CCR9: variants seen among roughly 807,000 people sequenced by gnomAD.
CCR9 encodes the protein C-C motif chemokine receptor 9.
A neutral mutation model predicts 8.7 loss-of-function variants in CCR9; 4 were observed. That is an observed-to-expected ratio of 0.46 (90% CI 0.23 to 1.06). The LOEUF is 1.06. Among genes scored for constraint, CCR9 ranks in the 50% least tolerant of loss-of-function variants. CCR9 has a pLI of 0.21. For missense variants in CCR9, 394 were observed against 453.6 expected, an observed-to-expected ratio of 0.87 and a Z score of 1.19; for synonymous variants, 159 against 168.8, an observed-to-expected ratio of 0.94 and a Z score of 0.45.
chr3:45,895,211 T>C, intron 2 of CCR9: 1 of 532,950 alleles, frequency 1.9e-6, no homozygotes, highest in South Asian at 2.6e-5. Flanking sequence ...CTAAGGATTT[T>C]TAACCATCTT....
At chr3:45,895,097 C>A in intron 2 of CCR9, 143 bp downstream of exon 2, 2 of 871,686 alleles carry the variant, frequency 2.3e-6, no homozygotes, top group Admixed American at 1.8e-5. Context: ...ATGCGCATTG[C>A]TGGGTAGGTT....
intron 1 of CCR9, among the ~76,000 whole-genome samples, chr3:45,890,407 C>T (rs550329371): frequency 2.5e-5 from 3 of 118,498 alleles, no homozygotes; most frequent in African/African-American, 1.0e-4. Context: ...CAAAAATCAA[C>T]CTCCGTATTC....
chr3:45,893,156 T>G (rs1702243699), intron 1 of CCR9, among the ~76,000 whole-genome samples: 1 of 149,196 alleles, frequency 6.7e-6, no homozygotes, highest in African/African-American at 2.5e-5. Flanking sequence ...TCTCTCTCTC[T>G]CTTTTTTTTT....
At position 45,897,309 on chromosome 3, in the gene CCR9, T is replaced by A. The variant is rs563325440; in HGVS notation, c.21+2355T>A. Reference sequence around the variant, plus strand: ...ATAAATCTAGATTTGGGGTGTAAAATTCAATCACTTAAAAAATATGCCTGG... The same window carrying A: ...ATAAATCTAGATTTGGGGTGTAAAAATCAATCACTTAAAAAATATGCCTGG... On this transcript the variant is annotated intron_variant, in intron 2 of 2. Transcript: ENST00000357632. Among the ~76,000 whole-genome samples, 4 of 152,248 alleles carry A rather than the reference T, an allele frequency of 2.6e-5. No homozygotes were observed. In the East Asian group the frequency reaches 7.7e-4, roughly 29 times the overall value.
Position 45,900,651 on chromosome 3 carries a change from A to G in CCR9, c.22-159A>G, listed in dbSNP as rs1012847804. Among the ~76,000 whole-genome samples the G allele has an allele frequency of 5.3e-5, 8 of 152,176 alleles. No individual in the cohort carries two copies. Among genetic ancestry groups the G allele is most frequent in the African/African-American group, 1.9e-4 (8 of 41,446 alleles). ...ATAAACATCTGTTGAATAAATAAAT[A>G]TGTCACAACCCAAGCAGATGTCCTC... On this transcript the variant is annotated intron_variant, in intron 2 of 2. Transcript: ENST00000357632. This position sits in a 1 kb window ranked among gnomAD's most constrained non-coding sequence, Gnocchi z 4.7.
intron 2 of CCR9, among the ~76,000 whole-genome samples, chr3:45,896,277 G>A (rs1331772995): frequency 6.6e-6 from 1 of 152,156 alleles, no homozygotes; most frequent in African/African-American, 2.4e-5. Flanking sequence ...TTGGGATCTT[G>A]GATAATAGCC....
chr3:45,897,596 G>A lies in CCR9; in HGVS notation c.21+2642G>A, dbSNP rs79663567. 9.8e-4 allele frequency: 1,511 copies of A among 1,535,564 alleles called. 15 individuals are homozygous for A. The African/African-American group carries it at 0.016, about 16-fold the overall frequency. ...GCCCCGCTCCAGATCACCTTCCCTC[G>A]CTGGCCCAGGAATCCATCTCCTTCC... is the stretch of plus-strand genomic sequence containing the variant. On this transcript the variant is annotated intron_variant, in intron 2 of 2. Transcript: ENST00000357632.
At chr3:45,887,123 T>C (rs1245260922) in intron 1 of CCR9, among the ~76,000 whole-genome samples, 1 of 152,162 alleles carries the variant, frequency 6.6e-6, no homozygotes, top group Non-Finnish European at 1.5e-5. Flanking sequence ...ACAGCAGCCA[T>C]CCAATTCTAT....
intron 2 of CCR9, chr3:45,897,681 T>A: frequency 7.3e-7 from 1 of 1,365,366 alleles, no homozygotes; most frequent in Non-Finnish European, 9.9e-7. Context: ...CTGCCCCCTC[T>A]CATTTGTTCC....
intron 2 of CCR9, among the ~76,000 whole-genome samples, chr3:45,898,295 T>C (rs758502252): frequency 2.0e-4 from 31 of 152,196 alleles, no homozygotes; most frequent in Non-Finnish European, 3.4e-4. Flanking sequence ...CTGGTTCCCG[T>C]GTCCAGCGTT....
chr3:45,891,946 A>T (rs562489041), intron 1 of CCR9, among the ~76,000 whole-genome samples: 1 of 152,168 alleles, frequency 6.6e-6, no homozygotes, highest in Non-Finnish European at 1.5e-5. Context: ...TTTAGGACAA[A>T]TGTGACACTG....
rs45530037 is a variant in CCR9, at chr3:45,901,062, A to G, written c.274A>G (p.Ile92Val). 14,316 of 1,614,156 alleles carry G rather than the reference A, an allele frequency of 8.9e-3. 78 individuals are homozygous for G. Among genetic ancestry groups the G allele is most frequent in the Non-Finnish European group, 0.011 (12,686 of 1,180,026 alleles). ...CGACATGTTCCTTTTGAATTTGGCA[A>G]TTGCTGACCTCCTCTTTCTTGTCAC... Reference protein sequence around the residue: ...MTDMFLLNLAIADLLFLVTLP... With the variant: ...MTDMFLLNLAVADLLFLVTLP... The change falls in exon 3 of 3, where the codon ATT becomes GTT. Residue 92 changes from isoleucine (I) to valine (V), a missense_variant. Physicochemically the swap from Ile to Val is conservative, Grantham distance 29. Coordinates refer to ENST00000357632, the MANE Select transcript of CCR9 (RefSeq NM_031200.3). This position sits in a 1 kb window ranked among gnomAD's most constrained non-coding sequence, Gnocchi z 4.3.
chr3:45,897,992 A>AAAC (rs1055244090), intron 2 of CCR9, among the ~76,000 whole-genome samples: 11 of 149,524 alleles, frequency 7.4e-5, no homozygotes, highest in South Asian at 2.1e-4. Flanking sequence ...AAAAAAAAAA[A>AAAC]ACACACAAAA....
intron 1 of CCR9, among the ~76,000 whole-genome samples, chr3:45,892,859 G>T (rs1488313362): frequency 1.3e-5 from 2 of 152,202 alleles, no homozygotes; most frequent in African/African-American, 4.8e-5. Flanking sequence ...CCAGGAGGAA[G>T]TTCTGGTTGC....
chr3:45,892,053 C>T (rs1218563558), intron 1 of CCR9, among the ~76,000 whole-genome samples: 1 of 152,028 alleles, frequency 6.6e-6, no homozygotes, highest in African/African-American at 2.4e-5. Flanking sequence ...TCCAAGGAGC[C>T]CTGGCTGTTT....
chr3:45,887,529 C>T (rs1482769643), intron 1 of CCR9, among the ~76,000 whole-genome samples: 2 of 152,204 alleles, frequency 1.3e-5, no homozygotes, highest in Non-Finnish European at 2.9e-5. Flanking sequence ...TTAGCTGTTA[C>T]TCCATAGACG....
At chr3:45,895,481 C>T (rs895881867) in intron 2 of CCR9, among the ~76,000 whole-genome samples, 9 of 152,216 alleles carry the variant, frequency 5.9e-5, no homozygotes, top group Middle Eastern at 3.2e-3. Flanking sequence ...GAGGCAGAGG[C>T]GGGCGGATCA....
At chr3:45,892,515 C>A (rs1227450992) in intron 1 of CCR9, among the ~76,000 whole-genome samples, 1 of 151,996 alleles carries the variant, frequency 6.6e-6, no homozygotes, top group South Asian at 2.1e-4. Flanking sequence ...ATGTTGAGTA[C>A]ATATGGACAC....
At chr3:45,897,881 CA>C (rs1413140967) in intron 2 of CCR9, among the ~76,000 whole-genome samples, 1 of 149,576 alleles carries the variant, frequency 6.7e-6, no homozygotes, top group Non-Finnish European at 1.5e-5. Flanking sequence ...CTCCAGGCAG[CA>C]AGACCCCTGG....
Sources: allele counts gnomAD v4.1 joint callset (sites outside exome capture counted in the v4.1 genomes callset), GRCh38; gene constraint gnomAD v4.1.1; non-coding constraint Gnocchi (gnomAD v3.1); transcripts MANE v1.5; gene names NCBI Gene and HGNC (gene_info 2026-07-23, HGNC 2026-07-21).